DPP9: variants seen among roughly 807,000 people sequenced by gnomAD.
DPP9 encodes dipeptidyl peptidase 9, also known as dipeptidyl peptidase IV-related protein-2.
DPP9 carries 50 observed loss-of-function variants against 110.7 expected under a neutral mutation model. The observed-to-expected ratio is 0.45, with a 90% CI of 0.36 to 0.57. DPP9 has a LOEUF of 0.57. DPP9 is among the 20% of genes least tolerant of loss of function. The pLI is 0.00. For synonymous variants in DPP9, 561 were observed against 514.4 expected, an observed-to-expected ratio of 1.09 and a Z score of -1.23; for missense variants, 1,022 against 1,217.9, an observed-to-expected ratio of 0.84 and a Z score of 2.39.
At position 4,689,090 on chromosome 19, in the gene DPP9, T is replaced by G. The variant is rs1188885047; in HGVS notation, c.1750-198A>C. ...CGCCCCATTCTGCAGAGCAGGAAAC[T>G]GAGGCCAGGACGAGTCTGTCCCCCA... On this transcript the variant is annotated intron_variant, in intron 15 of 21. Coordinates refer to ENST00000262960, the MANE Select transcript of DPP9 (RefSeq NM_139159.5). This position sits in a 1 kb window ranked among gnomAD's most constrained non-coding sequence, Gnocchi z 7.0. Among the ~76,000 whole-genome samples the G allele has an allele frequency of 6.7e-6, 1 of 150,106 alleles. No individual in the cohort carries two copies. Among genetic ancestry groups the G allele is most frequent in the East Asian group, 2.0e-4 (1 of 5,018 alleles).
Position 4,683,538 on chromosome 19 carries a change from C to G in DPP9, c.2270G>C (p.Gly757Ala). ...FIDLSRVAIH[G>A]WSYGGFLSLM... ...CGAGAGGAAGCCCCCGTAGGACCAG[C>G]CATGGATGGCAACTCGGCTCAGGTC... The change falls in exon 19 of 22, where the codon GGC becomes GCC. Residue 757 changes from glycine to alanine, a missense_variant. Gly to Ala is a moderately conservative substitution (Grantham distance 60). This residue lies in a region of DPP9 where 209 missense variants were observed against 280.4 expected (regional missense o/e 0.75). Coordinates refer to ENST00000262960, the MANE Select transcript of DPP9 (RefSeq NM_139159.5). The G allele has an allele frequency of 6.2e-7, 1 of 1,613,424 alleles. No homozygotes were observed. The highest frequency in any genetic ancestry group is 8.5e-7 in the Non-Finnish European group (1 of 1,179,848).
At position 4,676,481 on chromosome 19, in the gene DPP9, G is replaced by A. The variant is rs2088841719; in HGVS notation, c.*83C>T. The A allele has an allele frequency of 2.4e-6, 3 of 1,249,108 alleles. No individual in the cohort carries two copies. Among genetic ancestry groups the A allele is most frequent in the South Asian group, 2.6e-5 (2 of 77,946 alleles). 77.4% of individuals were successfully genotyped at this position (1,249,108 alleles called of 1,614,324 possible). A position where few individuals can be genotyped will look rare whatever the true frequency, so the allele number is the denominator to read the frequency against. On this transcript the variant is annotated 3_prime_UTR_variant, in exon 22 of 22. Coordinates refer to ENST00000262960, the MANE Select transcript of DPP9 (RefSeq NM_139159.5). This position sits in a 1 kb window ranked among gnomAD's most constrained non-coding sequence, Gnocchi z 4.0. Reference sequence around the variant, plus strand: ...GACAAAGTGCCTCACTGGGGCCCGCGGGCCACTCAGTCCCTCCCGCCTGGT... The same window carrying A: ...GACAAAGTGCCTCACTGGGGCCCGCAGGCCACTCAGTCCCTCCCGCCTGGT...
intron 3 of DPP9, among the ~76,000 whole-genome samples, chr19:4,714,702 G>C (rs73543642): frequency 0.011 from 1,650 of 152,076 alleles, 27 homozygotes; most frequent in African/African-American, 0.037. Context: ...TTGGCTGAAT[G>C]ACTGAAACCA....
At position 4,693,169 on chromosome 19, in the gene DPP9, C is replaced by T. The variant is rs537927141; in HGVS notation, c.1516+1492G>A. Among the ~76,000 whole-genome samples the T allele has an allele frequency of 3.2e-4, 48 of 152,194 alleles. No individual in the cohort carries two copies. Among genetic ancestry groups the T allele is most frequent in the Admixed American group, 7.2e-4 (11 of 15,302 alleles). ...ATGGAGTGGGTGGAGGCCAGGGATG[C>T]CACTTGGTGCACAGGATGGCCCCGC... On this transcript the variant is annotated intron_variant, in intron 13 of 21. Coordinates refer to ENST00000262960, the MANE Select transcript of DPP9 (RefSeq NM_139159.5). The surrounding 1 kb of genome is among the most constrained non-coding windows in gnomAD (Gnocchi z 5.0).
chr19:4,690,743 G>A, intron 14 of DPP9, 135 bp downstream of exon 14: 2 of 736,608 alleles, frequency 2.7e-6, no homozygotes, highest in Non-Finnish European at 4.6e-6. Context: ...ACAGGTGTGT[G>A]TGCGTGTGTG....
At chr19:4,721,805 T>C (rs2093335944) in intron 2 of DPP9, among the ~76,000 whole-genome samples, 1 of 152,030 alleles carries the variant, frequency 6.6e-6, no homozygotes, top group Non-Finnish European at 1.5e-5. Context: ...GGGAAGCACA[T>C]GGGGACAGGA....
rs1205853111 is a variant in DPP9, at chr19:4,718,104, GA to G, written c.56+1746del. Reference sequence around the variant, plus strand: ...TTTTTAAATTTTTCATTTTTTTTAAGAGATGGGGTCTTGCTATATTGCCCAG... The same window carrying G: ...TTTTTAAATTTTTCATTTTTTTTAAGGATGGGGTCTTGCTATATTGCCCAG... On this transcript the variant is annotated intron_variant, in intron 3 of 21. Transcript: ENST00000262960. The surrounding 1 kb of genome is among the most constrained non-coding windows in gnomAD (Gnocchi z 4.3). Among the ~76,000 whole-genome samples the G allele has an allele frequency of 6.6e-6, 1 of 152,088 alleles. No individual in the cohort carries two copies. Among genetic ancestry groups the G allele is most frequent in the Non-Finnish European group, 1.5e-5 (1 of 68,030 alleles).
At position 4,675,339 on chromosome 19, in the gene DPP9, C is replaced by G. The variant is rs1034860141; in HGVS notation, c.*1225G>C. On this transcript the variant is annotated 3_prime_UTR_variant, in exon 22 of 22. Coordinates refer to ENST00000262960, the MANE Select transcript of DPP9 (RefSeq NM_139159.5). ...CATAATATGTAGAGGTGGTTTGTTTCTTTTTTTTTTTTTTCTTTTCTTTTT... is the reference window on the plus strand; with the variant it reads ...CATAATATGTAGAGGTGGTTTGTTTGTTTTTTTTTTTTTTCTTTTCTTTTT... The G allele has an allele frequency of 2.1e-5, 3 of 140,186 alleles. No homozygotes were observed. Among genetic ancestry groups the G allele is most frequent in the African/African-American group, 5.3e-5 (2 of 38,072 alleles). 8.7% of individuals were successfully genotyped at this position (140,186 alleles called of 1,614,324 possible). A position where few individuals can be genotyped will look rare whatever the true frequency, so the allele number is the denominator to read the frequency against.
At chr19:4,683,261 C>T (rs1480847864) in intron 19 of DPP9, 10 of 1,436,208 alleles carry the variant, frequency 7.0e-6, no homozygotes, top group African/African-American at 2.9e-5. Context: ...TTTGTGCAGC[C>T]GGATGCCATC....
intron 21 of DPP9, among the ~76,000 whole-genome samples, chr19:4,678,707 C>CGGCCCCATTTCCCTGCTCTGT: frequency 6.6e-6 from 1 of 152,102 alleles, no homozygotes; most frequent in Non-Finnish European, 1.5e-5. Flanking sequence ...TCCTGCTCTG[C>CGGCCCCATTTCCCTGCTCTGT]GGCCCCATTT....
At position 4,697,634 on chromosome 19, in the gene DPP9, C is replaced by G; in HGVS notation, c.1092G>C (p.Glu364Asp). 1 of 1,613,900 alleles carries G rather than the reference C, an allele frequency of 6.2e-7. No homozygotes were observed. Among genetic ancestry groups the G allele is most frequent in the Non-Finnish European group, 8.5e-7 (1 of 1,179,844 alleles). Reference protein sequence around the residue: ...DSQGKIVSTQEKELVQPFSSL... With the variant: ...DSQGKIVSTQDKELVQPFSSL... ...AGCTGAAGGGCTGCACCAGCTCCTT[C>G]TCCTGGGTCGAGACGATCTGAAGGG... The change falls in exon 11 of 22, where the codon GAG (glutamate) becomes GAC (aspartate). Residue 364 changes from glutamate (E) to aspartate (D), a missense_variant. Physicochemically the swap from Glu to Asp is conservative, Grantham distance 45. This residue lies in a region of DPP9 where 810 missense variants were observed against 920.6 expected (regional missense o/e 0.88). Coordinates refer to ENST00000262960, the MANE Select transcript of DPP9 (RefSeq NM_139159.5).
chr19:4,716,585 C>T lies in DPP9; in HGVS notation c.57-2248G>A, dbSNP rs572564921. 6.6e-5 allele frequency among the ~76,000 whole-genome samples: 10 copies of T among 151,422 alleles called. No homozygotes were observed. In the South Asian group the frequency reaches 1.5e-3, roughly 22 times the overall value. ...CCGGGAGGCGGAGCTTGCAGTGAGC[C>T]GAGATCGTGCCACTGCACTCCAGCC... is the stretch of plus-strand genomic sequence containing the variant. On this transcript the variant is annotated intron_variant, in intron 3 of 21. Coordinates refer to ENST00000262960, the MANE Select transcript of DPP9 (RefSeq NM_139159.5).
Position 4,695,617 on chromosome 19 carries a change from AG to A in DPP9, c.1176-63del. ...CTGGGAGCCTCAGTGGCCTGCACAG[AG>A]AAGCTGGGGACGCAGCGTCCAAACC... is the stretch of plus-strand genomic sequence containing the variant. On this transcript the variant is annotated intron_variant, in intron 11 of 21. Transcript: ENST00000262960. The surrounding 1 kb of genome is among the most constrained non-coding windows in gnomAD (Gnocchi z 4.7). 1 of 1,362,796 alleles carries A rather than the reference AG, an allele frequency of 7.3e-7. No homozygotes were observed. The highest frequency in any genetic ancestry group is 9.7e-7 in the Non-Finnish European group (1 of 1,034,124). 84.4% of individuals were successfully genotyped at this position (1,362,796 alleles called of 1,614,324 possible). A position where few individuals can be genotyped will look rare whatever the true frequency, so the allele number is the denominator to read the frequency against.
At position 4,683,513 on chromosome 19, in the gene DPP9, C is replaced by T. The variant is rs370688145; in HGVS notation, c.2295G>A (p.Ser765=). Reference sequence around the variant, plus strand: ...GGGGCTTGTGGATTAGCCCCATGAGCGAGAGGAAGCCCCCGTAGGACCAGC... The same window carrying T: ...GGGGCTTGTGGATTAGCCCCATGAGTGAGAGGAAGCCCCCGTAGGACCAGC... ...IHGWSYGGFL[S]LMGLIHKPQV... The change falls in exon 19 of 22, where the codon TCG becomes TCA. Residue 765 remains serine (S), a synonymous_variant. Transcript: ENST00000262960. 405 of 1,613,114 alleles carry T rather than the reference C, an allele frequency of 2.5e-4. 2 individuals carry two copies. Among genetic ancestry groups the T allele is most frequent in the Admixed American group, 1.2e-4 (7 of 60,002 alleles).
chr19:4,714,088 G>C lies in DPP9; in HGVS notation c.306C>G (p.Tyr102Ter), dbSNP rs1651747147. ...DESGPHSHRL[Y>*]YLGMPYGSRE... ...CTGCAGGGCCCGGCTTACCCAGGTA[G>C]TAGAGGCGGTGGGAGTGGGGCCCAG... Residue 102 changes from tyrosine to a stop codon, truncating the protein, a stop_gained, in exon 4 of 22, where the codon TAC becomes TAG. Transcript: ENST00000262960. LOFTEE classifies it high-confidence loss of function. 1 of 1,610,162 alleles carries C rather than the reference G, an allele frequency of 6.2e-7. No individual in the cohort carries two copies. Among genetic ancestry groups the C allele is most frequent in the African/African-American group, 1.3e-5 (1 of 74,892 alleles).
chr19:4,679,698 T>C, intron 21 of DPP9, 137 bp downstream of exon 21: 2 of 644,086 alleles, frequency 3.1e-6, no homozygotes, highest in South Asian at 3.6e-5. Flanking sequence ...CACAGGGCTG[T>C]GGGGTGGGGG....
In DPP9 at chr19:4,687,118, T is replaced by C. The variant is rs2145463731; in HGVS notation, c.1886-1347A>G. On this transcript the variant is annotated intron_variant, in intron 16 of 21. Transcript: ENST00000262960. The surrounding 1 kb of genome is among the most constrained non-coding windows in gnomAD (Gnocchi z 4.7). ...CCCCTCCCTGACCCATCTCCTCATC[T>C]GAAGCCAGGGCTCCAGCTCCTGGCG... Among the ~76,000 whole-genome samples the C allele has an allele frequency of 6.6e-6, 1 of 152,284 alleles. No homozygotes were observed. The highest frequency in any genetic ancestry group is 1.9e-4 in the East Asian group (1 of 5,180).
At chr19:4,679,117 G>C (rs1379765849) in intron 21 of DPP9, among the ~76,000 whole-genome samples, 1 of 140,438 alleles carries the variant, frequency 7.1e-6, no homozygotes, top group Non-Finnish European at 1.5e-5. Context: ...CCGCTGAGGC[G>C]CTGCTCCCAC....
chr19:4,701,894 C>T, intron 9 of DPP9, 133 bp downstream of exon 9: 2 of 1,299,810 alleles, frequency 1.5e-6, no homozygotes, highest in African/African-American at 1.5e-5. Flanking sequence ...CAGAAGCCTT[C>T]CTTCTACACC....
Sources: gnomAD v4.1 joint callset for allele counts (sites outside exome capture counted in the v4.1 genomes callset) on GRCh38, gnomAD v4.1.1 for gene constraint, gnomAD v4.1.1 regional missense constraint, Gnocchi (gnomAD v3.1) non-coding constraint, MANE v1.5 for transcripts, NCBI Gene and HGNC (gene_info 2026-07-23, HGNC 2026-07-21) for gene names.